Variants in YIPF7 observed in about 807,000 individuals in gnomAD.
YIPF7 encodes the protein protein YIPF7.
In YIPF7, 35 loss-of-function variants were observed where a neutral mutation model predicts 27.2. The ratio of observed to expected loss-of-function variants is 1.29; its 90% CI spans 0.98 to 1.70. The LOEUF (loss-of-function observed/expected upper bound fraction) is 1.70. YIPF7 is among the 40% of genes most tolerant of loss of function. The pLI, the probability that YIPF7 is intolerant of heterozygous loss-of-function variation, is 0.00. For synonymous variants in YIPF7, 137 were observed against 110.4 expected (o/e 1.24, Z -1.51); for missense variants, 358 against 303.7 (o/e 1.18, Z -1.33).
At chr4:44,650,485 G>A (rs940764935) in intron 1 of YIPF7, among the ~76,000 whole-genome samples, 8 of 126,854 alleles carry the variant, frequency 6.3e-5, no homozygotes, top group African/African-American at 1.8e-4. Context: ...TTAAGCAGGC[G>A]CACACACATG....
At chr4:44,654,173 G>A (rs1305608920), upstream of YIPF7, among the ~76,000 whole-genome samples, 1 of 152,038 alleles carries the variant, frequency 6.6e-6, no homozygotes, top group Non-Finnish European at 1.5e-5. Context: ...CTATAACACT[G>A]TGTATCTATA....
At chr4:44,641,351 A>G (rs1052002083) in intron 2 of YIPF7, among the ~76,000 whole-genome samples, 1 of 152,028 alleles carries the variant, frequency 6.6e-6, no homozygotes, top group South Asian at 2.1e-4. Context: ...CATCTTGAAT[A>G]AAAAAAAGAG....
In YIPF7 at chr4:44,650,048, A is replaced by G. The variant is rs1713672513; in HGVS notation, c.53T>C (p.Ile18Thr). The G allele has an allele frequency of 1.3e-6, 2 of 1,588,830 alleles. No individual in the cohort carries two copies. The highest frequency in any genetic ancestry group is 1.7e-6 in the Non-Finnish European group (2 of 1,166,072). ...ATTACCACTCTGCTCCTGGTTATCA[A>G]TAGTAAAATTAGATTGGTAAAAATC... ...DSDFYQSNFTIDNQEQSGNDS... is the reference protein window; with the variant it reads ...DSDFYQSNFTTDNQEQSGNDS... Residue 18 changes from isoleucine (I) to threonine (T), a missense_variant, in exon 2 of 6, where the codon ATT becomes ACT. By Grantham distance (89) the Ile-to-Thr change is moderately conservative. Transcript: ENST00000415895.
At chr4:44,623,970 A>G (rs1712528627) in intron 5 of YIPF7, among the ~76,000 whole-genome samples, 1 of 152,252 alleles carries the variant, frequency 6.6e-6, no homozygotes, top group East Asian at 1.9e-4. Flanking sequence ...CAAACAAGTG[A>G]AGTTCCTGTA....
intron 2 of YIPF7, among the ~76,000 whole-genome samples, chr4:44,648,989 C>T (rs1325945492): frequency 6.6e-6 from 1 of 151,978 alleles, no homozygotes; most frequent in Non-Finnish European, 1.5e-5. Context: ...CATATTTTAA[C>T]GTGTTTACCT....
rs562493768 is a variant in YIPF7 at position 44,634,977 on chromosome 4, TC to T, written c.280+944del. On this transcript the variant is annotated intron_variant, in intron 3 of 5. Coordinates refer to ENST00000415895, the MANE Select transcript of YIPF7 (RefSeq NM_182592.3). ...AGCCAATAGATCGATTATATAAATC[TC>T]TGTTCTGTTCTGAACAGTTTAAATC... Among the ~76,000 whole-genome samples the T allele has an allele frequency of 2.0e-3, 301 of 152,358 alleles. 2 individuals are homozygous for T. The highest frequency in any genetic ancestry group is 7.0e-3 in the African/African-American group (290 of 41,592).
chr4:44,641,866 T>C (rs143267552), intron 2 of YIPF7, among the ~76,000 whole-genome samples: 422 of 152,324 alleles, frequency 2.8e-3, no homozygotes, highest in African/African-American at 9.5e-3. Context: ...CACTTAGCCA[T>C]ATGTAATATT....
At chr4:44,629,635 T>G (rs1489472546) in intron 3 of YIPF7, 87 bp from the exon 4 acceptor site, 2 of 987,182 alleles carry the variant, frequency 2.0e-6, no homozygotes, top group Non-Finnish European at 2.8e-6. Flanking sequence ...TTAACATATC[T>G]GATTAATTTA....
At chr4:44,649,035 C>T (rs373152666) in intron 2 of YIPF7, among the ~76,000 whole-genome samples, 13 of 152,050 alleles carry the variant, frequency 8.5e-5, no homozygotes, top group African/African-American at 2.7e-4. Flanking sequence ...CTTTAAATTG[C>T]ATATTTAATT....
intron 3 of YIPF7, among the ~76,000 whole-genome samples, chr4:44,632,940 G>A (rs769992944): frequency 5.9e-5 from 9 of 152,148 alleles, no homozygotes; most frequent in Non-Finnish European, 7.4e-5. Flanking sequence ...GTTAGGAACC[G>A]GGCCGCACAG....
intron 2 of YIPF7, among the ~76,000 whole-genome samples, chr4:44,646,030 G>A (rs2109596730): frequency 6.6e-6 from 1 of 152,184 alleles, no homozygotes; most frequent in East Asian, 1.9e-4. Context: ...ATTCTATACT[G>A]GATACAATTA....
intron 3 of YIPF7, 127 bp from the exon 4 acceptor site, chr4:44,629,675 T>C (rs988621755): frequency 2.3e-5 from 15 of 660,724 alleles, no homozygotes; most frequent in Admixed American, 1.5e-4. Context: ...TGTTCTATCA[T>C]ACCTTCTAAA....
intron 1 of YIPF7, among the ~76,000 whole-genome samples, chr4:44,651,315 C>A (rs779192303): frequency 7.9e-5 from 12 of 152,012 alleles, no homozygotes; most frequent in Non-Finnish European, 1.3e-4. Flanking sequence ...GAAATCAGGA[C>A]TTAGTGATAA....
At chr4:44,658,566 C>T (rs575815799) in intron 2 of YIPF7, among the ~76,000 whole-genome samples, 43 of 152,232 alleles carry the variant, frequency 2.8e-4, no homozygotes, top group African/African-American at 9.9e-4. Flanking sequence ...GGGAATGAAG[C>T]TTTTCATGTA....
intron 2 of YIPF7, among the ~76,000 whole-genome samples, chr4:44,658,696 C>A (rs1221871529): frequency 6.6e-6 from 1 of 152,102 alleles, no homozygotes; most frequent in African/African-American, 2.4e-5. Context: ...AAGGCATACC[C>A]GAGACTGGGT....
At chr4:44,648,678 A>G (rs1332279951) in intron 2 of YIPF7, among the ~76,000 whole-genome samples, 1 of 152,194 alleles carries the variant, frequency 6.6e-6, no homozygotes. Flanking sequence ...TGCTTTTGTA[A>G]GTCACATTTA....
At chr4:44,656,544 T>C (rs1577747056), upstream of YIPF7, among the ~76,000 whole-genome samples, 1 of 152,058 alleles carries the variant, frequency 6.6e-6, no homozygotes, top group East Asian at 1.9e-4. Context: ...TTGCAAAAGG[T>C]ACAATTGAGT....
rs1304244476 is a variant in YIPF7, at chr4:44,635,954, T to A, written c.248A>T (p.Asp83Val). The change falls in exon 3 of 6, where the codon GAC becomes GTC. Residue 83 changes from aspartate to valine, a missense_variant. Coordinates refer to ENST00000415895, the MANE Select transcript of YIPF7 (RefSeq NM_182592.3). Reference sequence around the variant, plus strand: ...CAAAGGAGGCTCTTCATCAAAACTGTCAATGTAAGGAGATTGTGAATAATA... The same window carrying A: ...CAAAGGAGGCTCTTCATCAAAACTGACAATGTAAGGAGATTGTGAATAATA... ...SDYYSQSPYI[D>V]SFDEEPPLLE... 7.4e-6 allele frequency: 12 copies of A among 1,613,876 alleles called. No individual in the cohort carries two copies. Among genetic ancestry groups the A allele is most frequent in the Non-Finnish European group, 1.0e-5 (12 of 1,179,814 alleles).
chr4:44,628,908 A>G (rs1712769324), intron 4 of YIPF7, among the ~76,000 whole-genome samples: 1 of 152,158 alleles, frequency 6.6e-6, no homozygotes, highest in Non-Finnish European at 1.5e-5. Context: ...ATAGGTTGTC[A>G]TTGCAAATTA....
Sources: allele counts gnomAD v4.1 joint callset (sites outside exome capture counted in the v4.1 genomes callset), GRCh38; gene constraint gnomAD v4.1.1; transcripts MANE v1.5; gene names NCBI Gene and HGNC (gene_info 2026-07-23, HGNC 2026-07-21).